Variants in STAG1 observed in about 807,000 individuals in gnomAD.
STAG1 encodes cohesin subunit SA-1.
A neutral mutation model predicts 170.9 loss-of-function variants in STAG1; 26 were observed. The observed-to-expected ratio is 0.15, with a 90% CI of 0.11 to 0.21. The LOEUF (loss-of-function observed/expected upper bound fraction) is 0.21, where lower values mean the gene tolerates loss of function less well. STAG1 is among the 10% of genes least tolerant of loss of function. The pLI is 1.00. For synonymous variants in STAG1, 514 were observed against 497.7 expected, an observed-to-expected ratio of 1.03 and a Z score of -0.44; for missense variants, 964 against 1,509.5, an observed-to-expected ratio of 0.64 and a Z score of 5.99.
At chr3:136,628,164 G>C (rs1355877365) in intron 2 of STAG1, among the ~76,000 whole-genome samples, 1 of 152,094 alleles carries the variant, frequency 6.6e-6, no homozygotes, top group Non-Finnish European at 1.5e-5. Context: ...ATGGTTTAAA[G>C]TGTGGTACTT....
At chr3:136,659,825 T>C (rs1261324205) in intron 1 of STAG1, among the ~76,000 whole-genome samples, 2 of 152,206 alleles carry the variant, frequency 1.3e-5, no homozygotes, top group Admixed American at 6.5e-5. Flanking sequence ...TGCTATAATA[T>C]ACTAGAAAAA....
rs1940308685 is a variant in STAG1 at position 136,630,945 on chromosome 3, A to G, written c.-47T>C. On this transcript the variant is annotated 5_prime_UTR_variant, in exon 2 of 34. Coordinates refer to ENST00000383202, the MANE Select transcript of STAG1 (RefSeq NM_005862.3). ...ATGCAGCAAAATAATCAAGTGCTGT[A>G]CAACTCAAAACTTTTAAAATAACCT... 9 of 1,506,252 alleles carry G rather than the reference A, an allele frequency of 6.0e-6. No individual in the cohort carries two copies. The highest frequency in any genetic ancestry group is 1.3e-5 in the South Asian group (1 of 75,258). The allele number at this position is 1,506,252 out of a possible 1,614,324, so 93.3% of individuals were successfully genotyped here.
intron 4 of STAG1, among the ~76,000 whole-genome samples, chr3:136,597,108 CCA>C (rs944273721): frequency 1.3e-5 from 2 of 151,988 alleles, no homozygotes; most frequent in Non-Finnish European, 2.9e-5. Flanking sequence ...TTTAAATATA[CCA>C]CAGTTTATCA....
At chr3:136,360,383 T>A (rs1936815768) in intron 26 of STAG1, among the ~76,000 whole-genome samples, 1 of 152,160 alleles carries the variant, frequency 6.6e-6, no homozygotes, top group Non-Finnish European at 1.5e-5. Flanking sequence ...AAAATACTCT[T>A]AACTTCTTGA....
At chr3:136,465,192 G>T (rs1331652737) in intron 12 of STAG1, among the ~76,000 whole-genome samples, 1 of 148,106 alleles carries the variant, frequency 6.8e-6, no homozygotes, top group Non-Finnish European at 1.5e-5. Flanking sequence ...TCAACGAGAA[G>T]AAAATAAAAT....
intron 21 of STAG1, among the ~76,000 whole-genome samples, chr3:136,410,980 A>G (rs1358755003): frequency 6.6e-6 from 1 of 152,216 alleles, no homozygotes; most frequent in African/African-American, 2.4e-5. Flanking sequence ...GTTTGAACCC[A>G]GGAGGTGGAG....
chr3:136,433,456 A>C, intron 16 of STAG1, 100 bp downstream of exon 16: 2 of 810,000 alleles, frequency 2.5e-6, no homozygotes, highest in East Asian at 5.3e-5. Flanking sequence ...TAAAAACACC[A>C]TGTTTTTAGG....
At chr3:136,553,449 A>T (rs1202853249) in intron 5 of STAG1, among the ~76,000 whole-genome samples, 1 of 152,194 alleles carries the variant, frequency 6.6e-6, no homozygotes, top group Non-Finnish European at 1.5e-5. Context: ...GCAAAACATA[A>T]TGAAACTCAG....
intron 1 of STAG1, among the ~76,000 whole-genome samples, chr3:136,713,296 T>C (rs774014201): frequency 4.6e-5 from 7 of 151,952 alleles, no homozygotes; most frequent in African/African-American, 1.5e-4. Flanking sequence ...CAAAAAATAG[T>C]GTGCAGCCAA....
At chr3:136,706,547 ACT>A (rs1293282728) in intron 1 of STAG1, among the ~76,000 whole-genome samples, 1 of 152,192 alleles carries the variant, frequency 6.6e-6, no homozygotes, top group Non-Finnish European at 1.5e-5. Context: ...ACTATAAAAC[ACT>A]GTTAAAAGAA....
At chr3:136,440,154 T>C (rs2088589029) in intron 15 of STAG1, among the ~76,000 whole-genome samples, 1 of 152,182 alleles carries the variant, frequency 6.6e-6, no homozygotes. Context: ...TTTCTTTTTT[T>C]TGAGATGGAG....
At chr3:136,688,154 C>T (rs767678683) in intron 1 of STAG1, among the ~76,000 whole-genome samples, 2 of 152,148 alleles carry the variant, frequency 1.3e-5, no homozygotes, top group Non-Finnish European at 2.9e-5. Flanking sequence ...GGTACTGTTT[C>T]AGTCAGGAGT....
At chr3:136,461,624 G>A (rs1052936141) in intron 13 of STAG1, among the ~76,000 whole-genome samples, 1 of 151,512 alleles carries the variant, frequency 6.6e-6, no homozygotes, top group Non-Finnish European at 1.5e-5. Context: ...AAACACTGGG[G>A]ATTCTTAAGA....
At chr3:136,455,641 C>G (rs1020793060) in intron 13 of STAG1, among the ~76,000 whole-genome samples, 2 of 152,196 alleles carry the variant, frequency 1.3e-5, no homozygotes, top group Non-Finnish European at 2.9e-5. Context: ...CCACTCGGCA[C>G]ATTGGCCAGT....
At chr3:136,666,635 T>A (rs1435025224) in intron 1 of STAG1, among the ~76,000 whole-genome samples, 1 of 152,004 alleles carries the variant, frequency 6.6e-6, no homozygotes, top group Non-Finnish European at 1.5e-5. Context: ...CTGGCCAACA[T>A]GGCGAAACCC....
chr3:136,644,804 T>C (rs1219345225), intron 1 of STAG1, among the ~76,000 whole-genome samples: 1 of 152,104 alleles, frequency 6.6e-6, no homozygotes, highest in Non-Finnish European at 1.5e-5. Context: ...TACTGGAACC[T>C]CCCCTTCACC....
intron 25 of STAG1, among the ~76,000 whole-genome samples, chr3:136,364,290 C>A (rs930095730): frequency 6.6e-6 from 1 of 151,890 alleles, no homozygotes; most frequent in African/African-American, 2.4e-5. Flanking sequence ...ACCATGTTGG[C>A]CAGGCTGGTC....
At chr3:136,688,220 G>A (rs761322787) in intron 1 of STAG1, among the ~76,000 whole-genome samples, 6 of 151,984 alleles carry the variant, frequency 3.9e-5, no homozygotes, top group Non-Finnish European at 8.8e-5. Flanking sequence ...TCAGCATGTC[G>A]ACATAGGGAC....
intron 28 of STAG1, among the ~76,000 whole-genome samples, chr3:136,356,724 T>A (rs6790083): frequency 6.6e-6 from 1 of 152,036 alleles, no homozygotes. Context: ...GGATTCATTA[T>A]AGTATTATCC....
Sources: allele counts gnomAD v4.1 joint callset (sites outside exome capture counted in the v4.1 genomes callset), GRCh38; gene constraint gnomAD v4.1.1; transcripts MANE v1.5; gene names NCBI Gene and HGNC (gene_info 2026-07-23, HGNC 2026-07-21).